Variants in FBXO4 observed in about 807,000 individuals in gnomAD.
FBXO4 encodes F-box only protein 4.
A neutral mutation model predicts 43.7 loss-of-function variants in FBXO4; 36 were observed. The observed-to-expected ratio is 0.82, with a 90% CI of 0.63 to 1.09. The LOEUF (loss-of-function observed/expected upper bound fraction) is 1.09. Among genes scored for constraint, FBXO4 ranks in the 50% least tolerant of loss-of-function variants. The pLI is 0.00. For missense variants in FBXO4, 435 were observed against 474.1 expected, an observed-to-expected ratio of 0.92 and a Z score of 0.77; for synonymous variants, 180 against 165.6, an observed-to-expected ratio of 1.09 and a Z score of -0.67.
the FBXO4 span, among the ~76,000 whole-genome samples, chr5:41,981,979 T>A: frequency 1.1e-4 from 16 of 149,740 alleles, no homozygotes; most frequent in African/African-American, 3.7e-4. Context: ...AATTCCCACC[T>A]ATGAGTGAGA....
the FBXO4 span, among the ~76,000 whole-genome samples, chr5:41,984,779 G>T: frequency 6.6e-6 from 1 of 152,136 alleles, no homozygotes; most frequent in South Asian, 2.1e-4. Flanking sequence ...CCAAAGTGCT[G>T]GGGTTACAGG....
At chr5:42,006,954 C>T in the FBXO4 span, among the ~76,000 whole-genome samples, 2 of 120,724 alleles carry the variant, frequency 1.7e-5, no homozygotes, top group South Asian at 5.1e-4. Flanking sequence ...ATATACATGA[C>T]ATATATACAT....
chr5:42,037,662 A>G, the FBXO4 span, among the ~76,000 whole-genome samples: 2 of 152,030 alleles, frequency 1.3e-5, no homozygotes, highest in Non-Finnish European at 2.9e-5. Context: ...TCCCTTTGAG[A>G]CATTCTTTCA....
chr5:41,956,389 C>A, the FBXO4 span, among the ~76,000 whole-genome samples: 1 of 152,126 alleles, frequency 6.6e-6, no homozygotes, highest in Non-Finnish European at 1.5e-5. Flanking sequence ...CTTGAAGATG[C>A]AGCAAATATA....
the FBXO4 span, among the ~76,000 whole-genome samples, chr5:41,999,480 C>CGT: frequency 8.7e-6 from 1 of 114,944 alleles, no homozygotes; most frequent in African/African-American, 3.7e-5. Flanking sequence ...TATATATACA[C>CGT]ATATATATAT....
At chr5:42,022,118 G>A in the FBXO4 span, among the ~76,000 whole-genome samples, 4 of 152,120 alleles carry the variant, frequency 2.6e-5, no homozygotes, top group African/African-American at 7.2e-5. Context: ...TAAATGAGTT[G>A]TGTGGGACTC....
chr5:41,945,292 T>TGGAAC (rs1490443298), downstream of FBXO4, among the ~76,000 whole-genome samples: 1 of 152,198 alleles, frequency 6.6e-6, no homozygotes, highest in Non-Finnish European at 1.5e-5. Flanking sequence ...GAACAGTGGT[T>TGGAAC]GGAACATAGT....
At chr5:41,956,960 C>T in the FBXO4 span, among the ~76,000 whole-genome samples, 1 of 152,076 alleles carries the variant, frequency 6.6e-6, no homozygotes, top group Non-Finnish European at 1.5e-5. Context: ...GATCCACCTG[C>T]CTCAGCCTCC....
chr5:41,955,574 C>A, the FBXO4 span, among the ~76,000 whole-genome samples: 2 of 152,146 alleles, frequency 1.3e-5, no homozygotes, highest in South Asian at 2.1e-4. Context: ...CAAAGCCTGG[C>A]AGTCACTCTA....
the FBXO4 span, among the ~76,000 whole-genome samples, chr5:42,004,486 T>A: frequency 1.8e-3 from 281 of 152,210 alleles, no homozygotes; most frequent in Non-Finnish European, 3.3e-3. Flanking sequence ...ACTCAATCGA[T>A]TAATGAACAA....
chr5:42,013,302 G>A, the FBXO4 span, among the ~76,000 whole-genome samples: 1 of 152,112 alleles, frequency 6.6e-6, no homozygotes, highest in Non-Finnish European at 1.5e-5. Context: ...TGTTAGGAAA[G>A]AAAGGTTTCT....
chr5:41,933,998 T>A lies in FBXO4; in HGVS notation c.699T>A (p.Ile233=). 1 of 1,613,890 alleles carries A rather than the reference T, an allele frequency of 6.2e-7. No homozygotes were observed. Among genetic ancestry groups the A allele is most frequent in the Non-Finnish European group, 8.5e-7 (1 of 1,179,916 alleles). The change falls in exon 4 of 7, where the codon ATT becomes ATA. Residue 233 remains isoleucine (I), a synonymous_variant. Transcript: ENST00000281623. ...FQLNNQHKFN[I]LILYSTTRKE... ...TGAACAACCAACATAAATTCAACAT[T>A]CTAATCTTATATTCAACTACCAGGT...
At chr5:41,964,983 C>A in the FBXO4 span, among the ~76,000 whole-genome samples, 1 of 152,116 alleles carries the variant, frequency 6.6e-6, no homozygotes, top group Non-Finnish European at 1.5e-5. Context: ...AATGGTATTG[C>A]CTAGGTTTTC....
the FBXO4 span, among the ~76,000 whole-genome samples, chr5:41,993,958 A>G: frequency 6.6e-6 from 1 of 152,144 alleles, no homozygotes; most frequent in African/African-American, 2.4e-5. Flanking sequence ...GCAAATGTTA[A>G]TGTCCTTTGG....
chr5:42,029,768 T>C, the FBXO4 span, among the ~76,000 whole-genome samples: 1 of 152,230 alleles, frequency 6.6e-6, no homozygotes, highest in East Asian at 1.9e-4. Flanking sequence ...GTATGCCAAT[T>C]GCATTTTTTT....
chr5:41,976,168 G>A, the FBXO4 span, among the ~76,000 whole-genome samples: 1 of 152,116 alleles, frequency 6.6e-6, no homozygotes, highest in Non-Finnish European at 1.5e-5. Flanking sequence ...TCCAACTTTG[G>A]GGATTACTTT....
At chr5:41,967,865 A>C in the FBXO4 span, 1 of 582,644 alleles carries the variant, frequency 1.7e-6, no homozygotes, top group East Asian at 4.6e-5. Flanking sequence ...TCTTCCTCTG[A>C]AATTGAAGCT....
At position 41,941,335 on chromosome 5, in the gene FBXO4, G is replaced by T; in HGVS notation, c.*54G>T. On this transcript the variant is annotated 3_prime_UTR_variant, in exon 7 of 7. Coordinates refer to ENST00000281623, the MANE Select transcript of FBXO4 (RefSeq NM_012176.3). ...CCATTTGAAATTTATTACTAAGGTC[G>T]TGATGTGAATATTTGCTCAGTCAGC... The T allele has an allele frequency of 6.7e-7, 1 of 1,501,154 alleles. No homozygotes were observed. The highest frequency in any genetic ancestry group is 1.4e-5 in the African/African-American group (1 of 72,732). The allele number at this position is 1,501,154 out of a possible 1,614,324, so 93.0% of individuals were successfully genotyped here.
At chr5:41,981,640 T>C in the FBXO4 span, among the ~76,000 whole-genome samples, 2 of 151,930 alleles carry the variant, frequency 1.3e-5, no homozygotes, top group African/African-American at 2.4e-5. Context: ...TGTATGAAAC[T>C]GCTCAGCCTA....
Sources: allele counts gnomAD v4.1 joint callset (sites outside exome capture counted in the v4.1 genomes callset), GRCh38; gene constraint gnomAD v4.1.1; transcripts MANE v1.5; gene names NCBI Gene and HGNC (gene_info 2026-07-23, HGNC 2026-07-21).